IFIT3: variants seen among roughly 807,000 people sequenced by gnomAD.
IFIT3 encodes interferon induced protein with tetratricopeptide repeats 3.
In IFIT3, 2 loss-of-function variants were observed where a neutral mutation model predicts 2.4. That is an observed-to-expected ratio of 0.82 (90% CI 0.34 to 2.60). The LOEUF is 2.60. IFIT3 is among the 30% of genes most tolerant of loss of function. IFIT3 has a pLI of 0.11. For synonymous variants in IFIT3, 203 were observed against 212.1 expected (o/e 0.96, Z 0.37); for missense variants, 481 against 562.4 (o/e 0.86, Z 1.46).
At chr10:89,328,127 G>GT (rs1266557078) in intron 1 of IFIT3, 49 bp downstream of exon 1, 10 of 1,585,242 alleles carry the variant, frequency 6.3e-6, no homozygotes, top group Middle Eastern at 1.7e-4. Flanking sequence ...AGTGCAAATT[G>GT]TAAGTTGAGT....
intron 1 of IFIT3, among the ~76,000 whole-genome samples, chr10:89,332,990 C>G (rs1816541811): frequency 6.6e-6 from 1 of 152,170 alleles, no homozygotes; most frequent in Non-Finnish European, 1.5e-5. Flanking sequence ...AAGCCTAAGT[C>G]AGAGGTTTGT....
chr10:89,333,571 A>G (rs978042322), intron 1 of IFIT3, among the ~76,000 whole-genome samples: 1 of 152,196 alleles, frequency 6.6e-6, no homozygotes, highest in Non-Finnish European at 1.5e-5. Context: ...CACAGTGGCT[A>G]AGCCTGTAAT....
chr10:89,338,124 C>T (rs1395784668), intron 1 of IFIT3: 1 of 152,482 alleles, frequency 6.6e-6, no homozygotes, highest in African/African-American at 2.4e-5. Context: ...ATGGGTTTAT[C>T]AGGATATAAC....
At chr10:89,336,751 CT>C (rs144476533) in intron 1 of IFIT3, among the ~76,000 whole-genome samples, 9,408 of 152,172 alleles carry the variant, frequency 0.062, 697 homozygotes, top group African/African-American at 0.18. Flanking sequence ...TGGTTCATAA[CT>C]TTTTTTCTGA....
Position 89,339,504 on chromosome 10 carries a change from C to G in IFIT3, c.849C>G (p.Cys283Trp). The stretch of plus-strand genomic sequence containing the variant: ...GCTACCTCTATCACCAGATTGGGTG[C>G]TGCTACAAGGCAAAAGTAAGACAAA... The part of the protein sequence containing the change: ...NNGYLYHQIG[C>W]CYKAKVRQMQ... Residue 283 changes from cysteine (C) to tryptophan (W), a missense_variant, in exon 2 of 2, where the codon TGC becomes TGG. By Grantham distance (215) the Cys-to-Trp change is radical. Transcript: ENST00000371818. 6.2e-7 allele frequency: 1 copy of G among 1,614,080 alleles called. No homozygotes were observed. The highest frequency in any genetic ancestry group is 1.1e-5 in the South Asian group (1 of 91,074).
rs1843742292 is a variant in IFIT3, at chr10:89,336,477, C to A, written c.6-2184C>A. ...ATATTGGGCCAAAAATGGTTTAGAT[C>A]AGCATTACTGGAGAGACAGACAGGA... On this transcript the variant is annotated intron_variant, in intron 1 of 1. Coordinates refer to ENST00000371818, the MANE Select transcript of IFIT3 (RefSeq NM_001549.6). Among the ~76,000 whole-genome samples, 3 of 152,158 alleles carry A rather than the reference C, an allele frequency of 2.0e-5. No individual in the cohort carries two copies. The South Asian group carries it at 6.2e-4, about 32-fold the overall frequency.
chr10:89,331,846 G>A (rs1215249028), intron 1 of IFIT3, among the ~76,000 whole-genome samples: 5 of 133,538 alleles, frequency 3.7e-5, no homozygotes, highest in Non-Finnish European at 3.1e-5. Flanking sequence ...ATGACAGAGT[G>A]AGATCCTGTC....
chr10:89,334,874 TTAAC>T (rs1264106354), intron 1 of IFIT3, among the ~76,000 whole-genome samples: 5 of 152,314 alleles, frequency 3.3e-5, no homozygotes, highest in Admixed American at 1.3e-4. Flanking sequence ...TTAATTACTG[TTAAC>T]TAACTTATTT....
chr10:89,337,843 A>C (rs1843769388), intron 1 of IFIT3, among the ~76,000 whole-genome samples: 1 of 152,234 alleles, frequency 6.6e-6, no homozygotes, highest in Admixed American at 6.5e-5. Flanking sequence ...ACTGTAGCTA[A>C]AGAAAAGTGA....
Position 89,338,829 on chromosome 10 carries a change from C to T in IFIT3, c.174C>T (p.Ala58=), listed in dbSNP as rs1362217526. 1 of 1,614,020 alleles carries T rather than the reference C, an allele frequency of 6.2e-7. No homozygotes were observed. The highest frequency in any genetic ancestry group is 1.7e-5 in the Admixed American group (1 of 60,010). The change falls in exon 2 of 2, where the codon GCC becomes GCT. Residue 58 remains alanine, a synonymous_variant. Coordinates refer to ENST00000371818, the MANE Select transcript of IFIT3 (RefSeq NM_001549.6). ...EFKATMYNLL[A]YIKHLDGNNE... ...AAGCTACAATGTACAACTTGTTGGC[C>T]TACATAAAACACCTAGATGGTAACA...
intron 1 of IFIT3, among the ~76,000 whole-genome samples, chr10:89,337,067 C>T (rs1843753777): frequency 1.3e-5 from 2 of 152,160 alleles, no homozygotes; most frequent in Admixed American, 1.3e-4. Context: ...GGAATCTGGC[C>T]TGTGTGGTGG....
intron 1 of IFIT3, among the ~76,000 whole-genome samples, chr10:89,329,519 C>T (rs1173075161): frequency 6.6e-6 from 1 of 152,044 alleles, no homozygotes; most frequent in Middle Eastern, 3.2e-3. Flanking sequence ...GCTCCTATTT[C>T]CAGAGGCTAT....
intron 1 of IFIT3, among the ~76,000 whole-genome samples, chr10:89,337,532 G>A (rs113708381): frequency 2.4e-4 from 37 of 152,182 alleles, no homozygotes; most frequent in African/African-American, 7.7e-4. Context: ...CCCGAATGGC[G>A]AGGACTACAG....
chr10:89,337,321 G>C (rs1339053041), intron 1 of IFIT3, among the ~76,000 whole-genome samples: 1 of 152,204 alleles, frequency 6.6e-6, no homozygotes. Context: ...CCCCAATAAA[G>C]AGTCATGGGA....
chr10:89,329,928 T>G (rs1244191237), intron 1 of IFIT3, among the ~76,000 whole-genome samples: 1 of 151,928 alleles, frequency 6.6e-6, no homozygotes, highest in Non-Finnish European at 1.5e-5. Flanking sequence ...AAAGGAAAAT[T>G]ACTGTCAAAG....
In IFIT3 at chr10:89,339,808, G is replaced by A. The variant is rs1349878115; in HGVS notation, c.1153G>A (p.Gly385Ser). The change falls in exon 2 of 2, where the codon GGT becomes AGT. Residue 385 changes from glycine to serine, a missense_variant. Physicochemically the swap from Gly to Ser is moderately conservative, Grantham distance 56. Transcript: ENST00000371818. Reference protein sequence around the residue: ...EDTAVQHGLEGLSISKKSTDK... With the variant: ...EDTAVQHGLESLSISKKSTDK... ...CACTGCTGTGCAACATGGTTTAGAGGGTTTGTCCATAAGCAAAAAATCAAC... is the reference window on the plus strand; with the variant it reads ...CACTGCTGTGCAACATGGTTTAGAGAGTTTGTCCATAAGCAAAAAATCAAC... 5.6e-6 allele frequency: 9 copies of A among 1,613,956 alleles called. No individual in the cohort carries two copies. Among genetic ancestry groups the A allele is most frequent in the Non-Finnish European group, 7.6e-6 (9 of 1,180,028 alleles).
In IFIT3 at chr10:89,339,418, G is replaced by A; in HGVS notation, c.763G>A (p.Gly255Ser). 1.2e-6 allele frequency: 2 copies of A among 1,614,192 alleles called. No individual in the cohort carries two copies. Among genetic ancestry groups the A allele is most frequent in the Non-Finnish European group, 8.5e-7 (1 of 1,180,026 alleles). Residue 255 changes from glycine to serine, a missense_variant, in exon 2 of 2, where the codon GGT becomes AGT. By Grantham distance (56) the Gly-to-Ser change is moderately conservative. Coordinates refer to ENST00000371818, the MANE Select transcript of IFIT3 (RefSeq NM_001549.6). ...RSAAKFYRRK[G>S]DLDKAIELFQ... is the part of the protein sequence containing the mutation. ...TGCAGCCAAATTTTACAGAAGAAAAGGTGACCTAGACAAAGCTATTGAACT... is the reference window on the plus strand; with the variant it reads ...TGCAGCCAAATTTTACAGAAGAAAAAGTGACCTAGACAAAGCTATTGAACT...
chr10:89,336,857 TAAG>T (rs1291480077), intron 1 of IFIT3, among the ~76,000 whole-genome samples: 2 of 152,158 alleles, frequency 1.3e-5, no homozygotes, highest in Non-Finnish European at 2.9e-5. Flanking sequence ...ACTCCACTGG[TAAG>T]AAGGAAGAAG....
chr10:89,332,506 G>T, intron 1 of IFIT3: 1 of 1,594,778 alleles, frequency 6.3e-7, no homozygotes. Flanking sequence ...TTTCATAAAA[G>T]CACAGACCTA....
Sources: gnomAD v4.1 joint callset for allele counts (sites outside exome capture counted in the v4.1 genomes callset) on GRCh38, gnomAD v4.1.1 for gene constraint, MANE v1.5 for transcripts, NCBI Gene and HGNC (gene_info 2026-07-23, HGNC 2026-07-21) for gene names.